The following ASTL variants were observed in gnomAD, a reference collection of about 807,000 sequenced individuals.
ASTL encodes the protein astacin-like metalloendopeptidase.
ASTL carries 27 observed loss-of-function variants against 36.7 expected under a neutral mutation model. The observed-to-expected ratio is 0.73, with a 90% CI of 0.54 to 1.01. The LOEUF is 1.01. ASTL is among the 50% of genes least tolerant of loss of function. The probability of loss-of-function intolerance (pLI) is 0.00; values close to 1 mark genes in which losing one functional copy is unlikely to be tolerated. For synonymous variants in ASTL, 222 were observed against 228.1 expected, an observed-to-expected ratio of 0.97 and a Z score of 0.24; for missense variants, 524 against 572.8, an observed-to-expected ratio of 0.91 and a Z score of 0.87.
At chr2:96,137,892 A>C in intron 1 of ASTL, 192 bp from the exon 2 acceptor site, 1 of 575,236 alleles carries the variant, frequency 1.7e-6, no homozygotes, top group Non-Finnish European at 3.0e-6. Context: ...GGTCTAGATG[A>C]CCTCAGGGAA....
chr2:96,127,830 C>A (rs907764857), intron 8 of ASTL, among the ~76,000 whole-genome samples: 12 of 152,196 alleles, frequency 7.9e-5, no homozygotes, highest in African/African-American at 2.9e-4. Flanking sequence ...CCCACCTCAG[C>A]CTCCCAAAGT....
rs1392200156 is a variant in ASTL, at chr2:96,132,672, C to T, written c.505G>A (p.Ala169Thr). ...RSGGMQVVSL[A>T]PTCLQKGRGI... ...CGGCCCTTCTGGAGACACGTGGGCG[C>T]CAGGGAGACCACCTGCATCCCTCCA... Residue 169 changes from alanine (A) to threonine (T), a missense_variant, in exon 6 of 9, where the codon GCG becomes ACG. Transcript: ENST00000342380. This position sits in a 1 kb window ranked among gnomAD's most constrained non-coding sequence, Gnocchi z 5.4. 1 of 1,613,194 alleles carries T rather than the reference C, an allele frequency of 6.2e-7. No homozygotes were observed. Among genetic ancestry groups the T allele is most frequent in the Non-Finnish European group, 8.5e-7 (1 of 1,179,514 alleles).
At chr2:96,126,629 G>T (rs546675335) in intron 8 of ASTL, among the ~76,000 whole-genome samples, 18 of 152,240 alleles carry the variant, frequency 1.2e-4, no homozygotes, top group African/African-American at 4.1e-4. Flanking sequence ...AGGCCGAGAC[G>T]GGTAGATCAC....
At position 96,134,066 on chromosome 2, in the gene ASTL, G is replaced by T; in HGVS notation, c.244-8C>A. The T allele has an allele frequency of 6.2e-7, 1 of 1,606,024 alleles. No individual in the cohort carries two copies. Among genetic ancestry groups the T allele is most frequent in the African/African-American group, 1.3e-5 (1 of 74,854 alleles). ...CAGCAGTCGGAAGGGACTCTGAGGA[G>T]AGAGCAGCAGTTCAACCCCTGGGGA... On this transcript the variant is annotated splice_region_variant and splice_polypyrimidine_tract_variant and intron_variant, in intron 3 of 8. Transcript: ENST00000342380.
rs1462926814 is a variant in ASTL at position 96,129,824 on chromosome 2, C to T, written c.874G>A (p.Gly292Arg). 6 of 1,538,980 alleles carry T rather than the reference C, an allele frequency of 3.9e-6. No homozygotes were observed. Among genetic ancestry groups the T allele is most frequent in the Non-Finnish European group, 5.3e-6 (6 of 1,140,926 alleles). Residue 292 changes from glycine to arginine, a missense_variant and splice_region_variant, in exon 8 of 9, where the codon GGG becomes AGG. By Grantham distance (125) the Gly-to-Arg change is moderately radical (BLOSUM62 -2). Coordinates refer to ENST00000342380, the MANE Select transcript of ASTL (RefSeq NM_001002036.4). ...SPSGPRPRGR[G>R]SHAHSTGRSP... ...GTCACCTTCCTGCCATGCCACTCACCTCTCCCACGGGGCCTGGGGCCACTT... is the reference window on the plus strand; with the variant it reads ...GTCACCTTCCTGCCATGCCACTCACTTCTCCCACGGGGCCTGGGGCCACTT...
At chr2:96,136,129 G>C (rs1044106720) in intron 2 of ASTL, among the ~76,000 whole-genome samples, 4 of 152,368 alleles carry the variant, frequency 2.6e-5, no homozygotes, top group South Asian at 2.1e-4. Context: ...TGACTCACAG[G>C]GGGAGTGAGG....
intron 8 of ASTL, among the ~76,000 whole-genome samples, chr2:96,126,896 T>C (rs1161368581): frequency 6.6e-6 from 1 of 152,036 alleles, no homozygotes; most frequent in African/African-American, 2.4e-5. Context: ...ATGGAGTTAT[T>C]GTAGGACCTA....
intron 8 of ASTL, among the ~76,000 whole-genome samples, chr2:96,128,368 A>G (rs1204297237): frequency 6.6e-6 from 1 of 152,152 alleles, no homozygotes; most frequent in Non-Finnish European, 1.5e-5. Context: ...CATTTAAGTG[A>G]TCCTTCCCTA....
intron 6 of ASTL, among the ~76,000 whole-genome samples, chr2:96,130,898 A>G (rs1451459448): frequency 6.6e-6 from 1 of 152,222 alleles, no homozygotes; most frequent in African/African-American, 2.4e-5. Flanking sequence ...TCAAAAGTCA[A>G]ATATTGAGAT....
At chr2:96,128,814 C>A (rs554873309) in intron 8 of ASTL, among the ~76,000 whole-genome samples, 1 of 152,230 alleles carries the variant, frequency 6.6e-6, no homozygotes, top group East Asian at 1.9e-4. Flanking sequence ...CCAAGGCAGG[C>A]GCATCACTTG....
intron 1 of ASTL, 57 bp downstream of exon 1, chr2:96,138,325 C>T (rs1682347811): frequency 2.7e-6 from 4 of 1,503,182 alleles, no homozygotes; most frequent in East Asian, 2.4e-5. Context: ...CTTCTAGCCT[C>T]TCCCCAGCTT....
rs564283820 is a variant in ASTL, at chr2:96,122,850, C to G, written c.*1000G>C. ...AGCACACTCCACTTTATTTCCTCCC[C>G]CAACATGTGGGGCTCCTGCCCCTTC... On this transcript the variant is annotated 3_prime_UTR_variant, in exon 9 of 9. Transcript: ENST00000342380. Among the ~76,000 whole-genome samples the G allele has an allele frequency of 6.6e-6, 1 of 152,232 alleles. No homozygotes were observed. The highest frequency in any genetic ancestry group is 1.9e-4 in the East Asian group (1 of 5,200).
chr2:96,128,380 C>T (rs1258490523), intron 8 of ASTL, among the ~76,000 whole-genome samples: 2 of 152,166 alleles, frequency 1.3e-5, no homozygotes, highest in African/African-American at 4.8e-5. Context: ...CCTTCCCTAT[C>T]CCAAGGTCAT....
In ASTL at chr2:96,132,416, C is replaced by G. The variant is rs1223851664; in HGVS notation, c.637+124G>C. ...GACAGAAGTGAGACCCCCACCTTCC[C>G]CACAGGAAGCAGGCAGGTGATGGGG... is the stretch of plus-strand genomic sequence containing the variant. On this transcript the variant is annotated intron_variant, in intron 6 of 8. Transcript: ENST00000342380. The surrounding 1 kb of genome is among the most constrained non-coding windows in gnomAD (Gnocchi z 5.4). 4.6e-6 allele frequency: 4 copies of G among 870,474 alleles called. No individual in the cohort carries two copies. The Admixed American group carries it at 8.8e-5, about 19-fold the overall frequency. The allele number at this position is 870,474 out of a possible 1,614,324, so 53.9% of individuals were successfully genotyped here.
chr2:96,134,032 G>T lies in ASTL; in HGVS notation c.270C>A (p.Thr90=), dbSNP rs138696994. The change falls in exon 4 of 9, where the codon ACC becomes ACA. Residue 90 remains threonine, a synonymous_variant. Transcript: ENST00000342380. ...TACCACCCATGGGCCATTTGTTGCT[G>T]GTTGCTGACAGCAGTCGGAAGGGAC... ...RPSPFRLLSA[T]SNKWPMGGSG... 6.2e-7 allele frequency: 1 copy of T among 1,613,948 alleles called. No individual in the cohort carries two copies. Among genetic ancestry groups the T allele is most frequent in the Non-Finnish European group, 8.5e-7 (1 of 1,179,850 alleles).
At chr2:96,131,794 G>A (rs1212036842) in intron 6 of ASTL, among the ~76,000 whole-genome samples, 1 of 152,136 alleles carries the variant, frequency 6.6e-6, no homozygotes, top group Non-Finnish European at 1.5e-5. Context: ...CCCTCCACCT[G>A]CGGTAGGCCT....
intron 4 of ASTL, 63 bp downstream of exon 4, chr2:96,133,902 G>T: frequency 9.0e-7 from 1 of 1,109,646 alleles, no homozygotes; most frequent in South Asian, 1.3e-5. Flanking sequence ...GGGAAGAGAG[G>T]AACACCTGCC....
At chr2:96,136,601 G>A (rs1206253450) in intron 2 of ASTL, among the ~76,000 whole-genome samples, 1 of 152,166 alleles carries the variant, frequency 6.6e-6, no homozygotes, top group Non-Finnish European at 1.5e-5. Context: ...GCTGGCGCTG[G>A]GCTCCCAAGT....
chr2:96,135,640 C>T (rs979822582), intron 2 of ASTL, among the ~76,000 whole-genome samples: 15 of 152,214 alleles, frequency 9.9e-5, no homozygotes, highest in African/African-American at 2.7e-4. Flanking sequence ...CCACCCTGTG[C>T]GGACTGTCTG....
Sources: allele counts gnomAD v4.1 joint callset (sites outside exome capture counted in the v4.1 genomes callset), GRCh38; gene constraint gnomAD v4.1.1; non-coding constraint Gnocchi (gnomAD v3.1); transcripts MANE v1.5; gene names NCBI Gene and HGNC (gene_info 2026-07-23, HGNC 2026-07-21).